The following EIF2D variants were observed in gnomAD, a reference collection of about 807,000 sequenced individuals.
EIF2D encodes hepatocellular carcinoma-associated antigen 56.
A neutral mutation model predicts 77.4 loss-of-function variants in EIF2D; 56 were observed. That is an observed-to-expected ratio of 0.72 (90% CI 0.58 to 0.90). The LOEUF (loss-of-function observed/expected upper bound fraction) is 0.90, where lower values mean the gene tolerates loss of function less well. Ranked by LOEUF, EIF2D falls within the 40% of genes least tolerant of loss-of-function variation. The pLI, the probability that EIF2D is intolerant of heterozygous loss-of-function variation, is 0.00. For missense variants in EIF2D, 574 were observed against 706.5 expected (o/e 0.81, Z 2.13); for synonymous variants, 230 against 271.0 (o/e 0.85, Z 1.49).
chr1:206,574,438 C>T (rs1375335852), intron 4 of EIF2D, among the ~76,000 whole-genome samples: 1 of 152,176 alleles, frequency 6.6e-6, no homozygotes, highest in African/African-American at 2.4e-5. Context: ...TTACTACTGG[C>T]GGACTGTTGA....
rs967701881 is a variant in EIF2D at position 206,600,320 on chromosome 1, T to C, written c.903-12A>G. 3 of 1,613,544 alleles carry C rather than the reference T, an allele frequency of 1.9e-6. No individual in the cohort carries two copies. The highest frequency in any genetic ancestry group is 2.2e-5 in the South Asian group (2 of 91,028). ...GTCGTCCTTCGGGGCTGATGGCAGATGGAAAAGGCAAATTAAACTAATGAG... is the reference window on the plus strand; with the variant it reads ...GTCGTCCTTCGGGGCTGATGGCAGACGGAAAAGGCAAATTAAACTAATGAG... On this transcript the variant is annotated splice_polypyrimidine_tract_variant and intron_variant, in intron 7 of 14. Coordinates refer to ENST00000271764, the MANE Select transcript of EIF2D (RefSeq NM_006893.3).
chr1:206,589,010 G>A (rs1368010302), downstream of EIF2D: 2 of 152,662 alleles, frequency 1.3e-5, no homozygotes, highest in Non-Finnish European at 2.9e-5. Context: ...AAGAGATAAG[G>A]GTGTTTATGA....
rs200485391 is a variant in EIF2D, at chr1:206,595,796, G to A, written c.1431C>T (p.Pro477=). 3.8e-5 allele frequency: 61 copies of A among 1,614,122 alleles called. No homozygotes were observed. In the East Asian group the frequency reaches 3.8e-4, roughly 10 times the overall value. Reference sequence around the variant, plus strand: ...CTTTCTTCACAATGGGCTCTTGTCCGGGAAGGGTCACTTGATAGGCAGGCT... The same window carrying A: ...CTTTCTTCACAATGGGCTCTTGTCCAGGAAGGGTCACTTGATAGGCAGGCT... The part of the protein sequence containing the change: ...KLQPAYQVTL[P]GQEPIVKKGR... The change falls in exon 13 of 15, where the codon CCC becomes CCT. Residue 477 remains proline, a synonymous_variant. Transcript: ENST00000271764.
chr1:206,593,502 A>AGTGTGTGTGTGCGTGT (rs1433622439), intron 14 of EIF2D, 117 bp downstream of exon 14: 129 of 427,936 alleles, frequency 3.0e-4, no homozygotes, highest in African/African-American at 1.2e-3. Context: ...AGAGAGAGAG[A>AGTGTGTGTGTGCGTGT]GAGAGAGTGT....
downstream of EIF2D, among the ~76,000 whole-genome samples, chr1:206,569,179 T>G (rs1475399845): frequency 4.6e-5 from 7 of 152,218 alleles, no homozygotes; most frequent in African/African-American, 1.7e-4. Flanking sequence ...ACACATTTAT[T>G]TAACGTGTAT....
At chr1:206,577,564 T>C (rs139279340) in intron 4 of EIF2D, among the ~76,000 whole-genome samples, 230 of 152,328 alleles carry the variant, frequency 1.5e-3, no homozygotes, top group African/African-American at 5.3e-3. Flanking sequence ...TAGTTAGTCA[T>C]GGGAGTCAGA....
intron 2 of EIF2D, chr1:206,585,946 A>G (rs1275253822): frequency 6.6e-6 from 1 of 152,306 alleles, no homozygotes; most frequent in Admixed American, 6.5e-5. Flanking sequence ...CTCTGCTCCC[A>G]TCTGCTTTCT....
At chr1:206,597,052 A>T in intron 12 of EIF2D, 48 bp downstream of exon 12, 2 of 1,396,764 alleles carry the variant, frequency 1.4e-6, no homozygotes, top group Non-Finnish European at 2.0e-6. Flanking sequence ...GATCAACATT[A>T]AGGCGAGGGG....
Position 206,602,695 on chromosome 1 carries a change from A to G in EIF2D, c.785-242T>C, listed in dbSNP as rs1295183058. 6.1e-6 allele frequency: 4 copies of G among 652,880 alleles called. No homozygotes were observed. The East Asian group carries it at 8.2e-5, about 13-fold the overall frequency. 40.4% of individuals were successfully genotyped at this position (652,880 alleles called of 1,614,324 possible). A position where few individuals can be genotyped will look rare whatever the true frequency, so the allele number is the denominator to read the frequency against. On this transcript the variant is annotated intron_variant, in intron 6 of 14. Transcript: ENST00000271764. Reference sequence around the variant, plus strand: ...TGTTCACCCAGAGAAGTTGAGCCAGAAGAAACCTTGGAGGGCTTTGTAGCT... The same window carrying G: ...TGTTCACCCAGAGAAGTTGAGCCAGGAGAAACCTTGGAGGGCTTTGTAGCT...
intron 2 of EIF2D, among the ~76,000 whole-genome samples, chr1:206,610,254 C>T (rs997015299): frequency 5.3e-5 from 8 of 152,224 alleles, no homozygotes; most frequent in Admixed American, 2.0e-4. Flanking sequence ...GCACCCTGCT[C>T]ATGCCTGTAA....
rs6662929 is a variant in EIF2D at position 206,600,305 on chromosome 1, G to A, written c.906C>T (p.Pro302=). Residue 302 remains proline (P), a synonymous_variant, in exon 8 of 15, where the codon CCC becomes CCT. Transcript: ENST00000271764. ...TCTTTATGTCCAGTTGTCGTCCTTC[G>A]GGGCTGATGGCAGATGGAAAAGGCA... ...FLGSHMFSCC[P]EGRQLDIKKS... is the part of the protein sequence containing the mutation. The A allele has an allele frequency of 5.6e-5, 91 of 1,613,724 alleles. No individual in the cohort carries two copies. The African/African-American group carries it at 8.0e-4, about 14-fold the overall frequency.
rs1201416129 is a variant in EIF2D at position 206,592,806 on chromosome 1, G to T, written c.1684+813C>A. 4.6e-5 allele frequency among the ~76,000 whole-genome samples: 7 copies of T among 152,146 alleles called. No homozygotes were observed. Among genetic ancestry groups the T allele is most frequent in the Admixed American group, 2.0e-4 (3 of 15,280 alleles). On this transcript the variant is annotated intron_variant, in intron 14 of 14. Coordinates refer to ENST00000271764, the MANE Select transcript of EIF2D (RefSeq NM_006893.3). This position sits in a 1 kb window ranked among gnomAD's most constrained non-coding sequence, Gnocchi z 4.7. Reference sequence around the variant, plus strand: ...CTGGGTTACCCAGAGTTAGTAGAAAGAACTTAGGCTTTAGGCCAGGCATGG... The same window carrying T: ...CTGGGTTACCCAGAGTTAGTAGAAATAACTTAGGCTTTAGGCCAGGCATGG...
At chr1:206,600,381 G>A (rs992936419) in intron 7 of EIF2D, 73 bp from the exon 8 acceptor site, 1 of 1,444,004 alleles carries the variant, frequency 6.9e-7, no homozygotes, top group Non-Finnish European at 9.6e-7. Context: ...CTGAGAGGAG[G>A]GCCTTTTTCC....
At chr1:206,583,203 G>A (rs1179193521) in intron 2 of EIF2D, 8 of 1,048,158 alleles carry the variant, frequency 7.6e-6, no homozygotes, top group African/African-American at 3.1e-5. Context: ...TGGGGAGGGC[G>A]TGGTTGTTCC....
intron 12 of EIF2D, among the ~76,000 whole-genome samples, chr1:206,596,060 AAGGT>A (rs761527378): frequency 1.3e-5 from 2 of 152,210 alleles, no homozygotes; most frequent in Non-Finnish European, 2.9e-5. Flanking sequence ...AAATGCGGCC[AAGGT>A]AGACACCCAC....
Position 206,599,929 on chromosome 1 carries a change from G to T in EIF2D, c.949-93C>A. ...TGCCAGAGTGAGCTAGGCAGGGACT[G>T]TGCAGGGATATGAGACAGCCCCTGC... On this transcript the variant is annotated intron_variant, in intron 8 of 14. Coordinates refer to ENST00000271764, the MANE Select transcript of EIF2D (RefSeq NM_006893.3). The surrounding 1 kb of genome is among the most constrained non-coding windows in gnomAD (Gnocchi z 4.1). 2 of 1,249,260 alleles carry T rather than the reference G, an allele frequency of 1.6e-6. No homozygotes were observed. Among genetic ancestry groups the T allele is most frequent in the Non-Finnish European group, 2.3e-6 (2 of 876,716 alleles). The allele number at this position is 1,249,260 out of a possible 1,614,324, so 77.4% of individuals were successfully genotyped here.
rs578217539 is a variant in EIF2D, at chr1:206,611,174, G to A, written c.247+10C>T. 1.9e-6 allele frequency: 3 copies of A among 1,605,688 alleles called. No homozygotes were observed. Among genetic ancestry groups the A allele is most frequent in the Non-Finnish European group, 2.6e-6 (3 of 1,173,816 alleles). On this transcript the variant is annotated intron_variant, in intron 2 of 14. Transcript: ENST00000271764. ...TAATGGTAATGGCCATCTTCGTCCT[G>A]TTGTCATACCTGTTGGATACAGATT...
rs573341957 is a variant in EIF2D, at chr1:206,572,441, G to C, written c.*359+154C>G. Among the ~76,000 whole-genome samples the C allele has an allele frequency of 6.8e-4, 104 of 152,280 alleles. 1 individual carries two copies. Among genetic ancestry groups the C allele is most frequent in the South Asian group, 2.3e-3 (11 of 4,832 alleles). ...TTACAGAAGAGCACATGGTGCCCCT[G>C]GGATGCAGCAGAGAGGAAGGGAGTC... On this transcript the variant is annotated intron_variant and NMD_transcript_variant, in intron 5 of 5. Transcript: ENST00000472709.
chr1:206,609,405 A>G lies in EIF2D; in HGVS notation c.302T>C (p.Leu101Pro). ...DLLPTFTTWPLVLEKLVGGAD... is the reference protein window; with the variant it reads ...DLLPTFTTWPPVLEKLVGGAD... Reference sequence around the variant, plus strand: ...TCCCCCTACCAGTTTCTCGAGCACCAGAGGCCATGTTGTAAAGGTTGGCAG... The same window carrying G: ...TCCCCCTACCAGTTTCTCGAGCACCGGAGGCCATGTTGTAAAGGTTGGCAG... Residue 101 changes from leucine to proline, a missense_variant, in exon 3 of 15, where the codon CTG becomes CCG. Leu to Pro is a moderately conservative substitution (Grantham distance 98). Transcript: ENST00000271764. The G allele has an allele frequency of 6.2e-7, 1 of 1,614,268 alleles. No individual in the cohort carries two copies. Among genetic ancestry groups the G allele is most frequent in the Non-Finnish European group, 8.5e-7 (1 of 1,180,044 alleles).
Sources: allele counts gnomAD v4.1 joint callset (sites outside exome capture counted in the v4.1 genomes callset), GRCh38; gene constraint gnomAD v4.1.1; non-coding constraint Gnocchi (gnomAD v3.1); transcripts MANE v1.5; gene names NCBI Gene and HGNC (gene_info 2026-07-23, HGNC 2026-07-21).